Variants in SUCO observed in about 807,000 individuals in gnomAD.
SUCO encodes SUN domain containing ossification factor, also known as SUN domain-containing ossification factor.
Under a neutral mutation model 148.1 loss-of-function variants are expected in SUCO, and 57 were observed. The observed-to-expected ratio is 0.38, with a 90% CI of 0.31 to 0.48. SUCO has a LOEUF of 0.48. SUCO is among the 20% of genes least tolerant of loss of function. The probability of loss-of-function intolerance (pLI) is 0.96; values close to 1 mark genes in which losing one functional copy is unlikely to be tolerated. For missense variants in SUCO, 1,331 were observed against 1,468.2 expected, an observed-to-expected ratio of 0.91 and a Z score of 1.53; for synonymous variants, 470 against 502.7, an observed-to-expected ratio of 0.93 and a Z score of 0.87.
chr1:172,569,392 A>G lies in SUCO; in HGVS notation c.856+250A>G, dbSNP rs1359630055. 14 of 980,420 alleles carry G rather than the reference A, an allele frequency of 1.4e-5. No individual in the cohort carries two copies. In the South Asian group the frequency reaches 6.1e-4, roughly 43 times the overall value. The allele number at this position is 980,420 out of a possible 1,614,324, so 60.7% of individuals were successfully genotyped here. A position where few individuals can be genotyped will look rare whatever the true frequency, so the allele number is the denominator to read the frequency against. On this transcript the variant is annotated intron_variant, in intron 7 of 23. Coordinates refer to ENST00000263688, the MANE Select transcript of SUCO (RefSeq NM_014283.5). Reference sequence around the variant, plus strand: ...GAGCATAAAATAAGGCATAGCAGTGATTTTCATCACAATACGAGGAAAATT... The same window carrying G: ...GAGCATAAAATAAGGCATAGCAGTGGTTTTCATCACAATACGAGGAAAATT...
chr1:172,557,814 T>TGC lies in SUCO; in HGVS notation c.732+20_732+21insGC, dbSNP rs1274378150. The stretch of plus-strand genomic sequence containing the variant: ...AATGAGGTAGGTATATAACTTGCAC[T>TGC]ATCTCTTACTTCTTTATGTAATGCA... On this transcript the variant is annotated intron_variant, in intron 6 of 23. Transcript: ENST00000263688. 5 of 1,549,620 alleles carry TGC rather than the reference T, an allele frequency of 3.2e-6. No individual in the cohort carries two copies. Among genetic ancestry groups the TGC allele is most frequent in the Non-Finnish European group, 8.7e-7 (1 of 1,148,196 alleles).
Position 172,551,500 on chromosome 1 carries a change from G to T in SUCO, c.63-12G>T. 1 of 1,520,044 alleles carries T rather than the reference G, an allele frequency of 6.6e-7. No individual in the cohort carries two copies. The highest frequency in any genetic ancestry group is 9.0e-7 in the Non-Finnish European group (1 of 1,113,016). The allele number at this position is 1,520,044 out of a possible 1,614,324, so 94.2% of individuals were successfully genotyped here. On this transcript the variant is annotated splice_polypyrimidine_tract_variant and intron_variant, in intron 1 of 23. Transcript: ENST00000263688. ...CTTTTTCTGTTTGTTGGTGGTGGTGGGTGTTTTACAGGCTTCCCAGCTGGC... is the reference window on the plus strand; with the variant it reads ...CTTTTTCTGTTTGTTGGTGGTGGTGTGTGTTTTACAGGCTTCCCAGCTGGC...
intron 6 of SUCO, among the ~76,000 whole-genome samples, chr1:172,559,912 G>A (rs542857974): frequency 3.3e-5 from 5 of 152,208 alleles, no homozygotes; most frequent in East Asian, 1.9e-4. Context: ...TCCAAGACCC[G>A]CCTCCAGAAT....
At chr1:172,568,211 T>G in intron 6 of SUCO, 1 of 735,550 alleles carries the variant, frequency 1.4e-6, no homozygotes, top group Non-Finnish European at 1.7e-6. Flanking sequence ...TGTGGACCAC[T>G]GATTTATATG....
chr1:172,547,173 T>G (rs1652925006), intron 1 of SUCO, among the ~76,000 whole-genome samples: 1 of 152,234 alleles, frequency 6.6e-6, no homozygotes, highest in African/African-American at 2.4e-5. Context: ...TTGACTTCTT[T>G]TACTCAATGT....
intron 1 of SUCO, chr1:172,542,894 G>C: frequency 1.0e-6 from 1 of 985,392 alleles, no homozygotes. Flanking sequence ...AGATAAGTTT[G>C]GAGAGCTTGA....
At position 172,577,734 on chromosome 1, in the gene SUCO, C is replaced by T. The variant is rs973784264; in HGVS notation, c.1285-30C>T. 4 of 1,605,702 alleles carry T rather than the reference C, an allele frequency of 2.5e-6. No homozygotes were observed. In the African/African-American group the frequency reaches 5.4e-5, roughly 22 times the overall value. On this transcript the variant is annotated intron_variant, in intron 12 of 23. Transcript: ENST00000263688. ...GATAATCTTACATGCTCTCTGCTGGCTTCCCATTTTATGTGCTTTTATTCT... is the reference window on the plus strand; with the variant it reads ...GATAATCTTACATGCTCTCTGCTGGTTTCCCATTTTATGTGCTTTTATTCT...
intron 19 of SUCO, among the ~76,000 whole-genome samples, 189 bp downstream of exon 19, chr1:172,591,260 G>C (rs1656641368): frequency 6.6e-6 from 1 of 151,848 alleles, no homozygotes; most frequent in Admixed American, 6.6e-5. Flanking sequence ...CTTCTGTAGA[G>C]AAAGATTTGT....
At chr1:172,551,681 T>A in intron 2 of SUCO, 55 bp downstream of exon 2, 1 of 1,136,736 alleles carries the variant, frequency 8.8e-7, no homozygotes, top group South Asian at 1.4e-5. Context: ...TGAGAGTGTC[T>A]GAAAACATTC....
At chr1:172,566,358 C>T (rs1408215109) in intron 6 of SUCO, among the ~76,000 whole-genome samples, 1 of 152,238 alleles carries the variant, frequency 6.6e-6, no homozygotes, top group Non-Finnish European at 1.5e-5. Flanking sequence ...CACCTTCTCT[C>T]CATCTCTGCT....
intron 1 of SUCO, among the ~76,000 whole-genome samples, chr1:172,549,633 G>T (rs990214999): frequency 6.6e-6 from 1 of 151,840 alleles, no homozygotes; most frequent in Admixed American, 6.6e-5. Context: ...AATGTTTTCT[G>T]CTTTCTTAAT....
chr1:172,549,698 C>T (rs1427434328), intron 1 of SUCO, among the ~76,000 whole-genome samples: 1 of 151,776 alleles, frequency 6.6e-6, no homozygotes, highest in East Asian at 1.9e-4. Flanking sequence ...TTTCCTGAGT[C>T]CCTCTGCTGT....
Position 172,543,060 on chromosome 1 carries a change from G to C in SUCO, c.63-8452G>C, listed in dbSNP as rs868822139. 6 of 956,912 alleles carry C rather than the reference G, an allele frequency of 6.3e-6. No homozygotes were observed. In the African/African-American group the frequency reaches 1.1e-4, roughly 17 times the overall value. 59.3% of individuals were successfully genotyped at this position (956,912 alleles called of 1,614,324 possible). ...TACATAAAAAAAAAAAAGTTAACAT[G>C]TAGAGTAGCTTCATACTTGTATGCT... is the stretch of plus-strand genomic sequence containing the variant. On this transcript the variant is annotated intron_variant, in intron 1 of 23. Coordinates refer to ENST00000263688, the MANE Select transcript of SUCO (RefSeq NM_014283.5).
chr1:172,602,324 A>G lies in SUCO; in HGVS notation c.3173+106A>G, dbSNP rs111611923. ...GGAGACTGAGGTAATTTCTTTCCCTATATGATTATCTTGAAACCAAAACAT... is the reference window on the plus strand; with the variant it reads ...GGAGACTGAGGTAATTTCTTTCCCTGTATGATTATCTTGAAACCAAAACAT... On this transcript the variant is annotated intron_variant, in intron 21 of 23. Coordinates refer to ENST00000263688, the MANE Select transcript of SUCO (RefSeq NM_014283.5). The G allele has an allele frequency of 5.0e-4, 697 of 1,388,612 alleles. 3 individuals carry two copies. In the African/African-American group the frequency reaches 9.1e-3, roughly 18 times the overall value. 86.0% of individuals were successfully genotyped at this position (1,388,612 alleles called of 1,614,324 possible).
intron 20 of SUCO, 108 bp from the exon 21 acceptor site, chr1:172,601,955 GC>G: frequency 9.0e-7 from 1 of 1,108,664 alleles, no homozygotes; most frequent in Non-Finnish European, 1.2e-6. Flanking sequence ...GGTCTTTGAA[GC>G]ACATTAAAAA....
At chr1:172,555,595 G>A (rs1233874029) in intron 3 of SUCO, among the ~76,000 whole-genome samples, 1 of 152,188 alleles carries the variant, frequency 6.6e-6, no homozygotes, top group Non-Finnish European at 1.5e-5. Flanking sequence ...GGAAATCTCT[G>A]TAGGTCCTGA....
At chr1:172,561,474 A>T (rs1654148319) in intron 6 of SUCO, among the ~76,000 whole-genome samples, 1 of 152,068 alleles carries the variant, frequency 6.6e-6, no homozygotes, top group Admixed American at 6.6e-5. Flanking sequence ...TGATGCTATA[A>T]TTTTTGAAAT....
Position 172,533,215 on chromosome 1 carries a change from C to A in SUCO, c.-221C>A. 1 of 1,526,176 alleles carries A rather than the reference C, an allele frequency of 6.6e-7. No homozygotes were observed. Among genetic ancestry groups the A allele is most frequent in the Non-Finnish European group, 8.8e-7 (1 of 1,136,048 alleles). 94.5% of individuals were successfully genotyped at this position (1,526,176 alleles called of 1,614,324 possible). On this transcript the variant is annotated 5_prime_UTR_variant, in exon 1 of 24. Coordinates refer to ENST00000263688, the MANE Select transcript of SUCO (RefSeq NM_014283.5). The stretch of plus-strand genomic sequence containing the variant: ...AGCCGGTGGCTGCAGCGGCGGCGGT[C>A]CCCGGAGTCCTGTGAAGCGCCCCTG...
At position 172,553,268 on chromosome 1, in the gene SUCO, A is replaced by C. The variant is rs372922378; in HGVS notation, c.186A>C (p.Arg62Ser). The C allele has an allele frequency of 1.1e-5, 17 of 1,589,172 alleles. No homozygotes were observed. The African/African-American group carries it at 1.2e-4, about 11-fold the overall frequency. The change falls in exon 3 of 24, where the codon AGA becomes AGC. Residue 62 changes from arginine (R) to serine (S), a missense_variant. Physicochemically the swap from Arg to Ser is moderately radical, Grantham distance 110. Around this residue, in one of 3 missense-constraint regions of SUCO, gnomAD observed 992 missense variants for 1,093.5 expected, o/e 0.91. Coordinates refer to ENST00000263688, the MANE Select transcript of SUCO (RefSeq NM_014283.5). ...TTGTTGTTGTTATATAGGATGAAAGAGAGGGACCTATCAATGCCGAATCAT... is the reference window on the plus strand; with the variant it reads ...TTGTTGTTGTTATATAGGATGAAAGCGAGGGACCTATCAATGCCGAATCAT... The part of the protein sequence containing the change: ...EDVQFQKKDE[R>S]EGPINAESLG...
Sources: allele counts gnomAD v4.1 joint callset (sites outside exome capture counted in the v4.1 genomes callset), GRCh38; gene constraint gnomAD v4.1.1; regional missense constraint gnomAD v4.1.1; transcripts MANE v1.5; gene names NCBI Gene and HGNC (gene_info 2026-07-23, HGNC 2026-07-21).